OXCT1: variants seen among roughly 807,000 people sequenced by gnomAD.
The protein encoded by OXCT1 is succinyl-CoA:3-ketoacid coenzyme A transferase 1, mitochondrial.
A neutral mutation model predicts 69.6 loss-of-function variants in OXCT1; 27 were observed. The observed-to-expected ratio is 0.39, with a 90% CI of 0.29 to 0.54. The LOEUF (loss-of-function observed/expected upper bound fraction) is 0.54, where lower values mean the gene tolerates loss of function less well. Ranked by LOEUF, OXCT1 falls within the 20% of genes least tolerant of loss-of-function variation. The pLI is 0.72. For missense variants in OXCT1, 437 were observed against 650.2 expected (o/e 0.67, Z 3.57); for synonymous variants, 202 against 217.8 (o/e 0.93, Z 0.64).
At chr5:41,742,767 T>C (rs892135570) in intron 15 of OXCT1, among the ~76,000 whole-genome samples, 1 of 152,174 alleles carries the variant, frequency 6.6e-6, no homozygotes, top group African/African-American at 2.4e-5. Flanking sequence ...ATCAGAATGA[T>C]GGTGTCCAGC....
chr5:41,803,534 C>T (rs974062462), intron 9 of OXCT1, among the ~76,000 whole-genome samples: 17 of 152,036 alleles, frequency 1.1e-4, no homozygotes, highest in Admixed American at 1.0e-3. Flanking sequence ...CTATTCAAAA[C>T]TCCTGCCAAA....
At position 41,767,867 on chromosome 5, in the gene OXCT1, A is replaced by G. The variant is rs914748860; in HGVS notation, c.1249-5667T>C. ...GGCTTCTATGGTCCTGGTTCCTCCT[A>G]CTGCTATTGAGGCTTTCAGTTTTCT... On this transcript the variant is annotated intron_variant, in intron 13 of 16. Transcript: ENST00000196371. Among the ~76,000 whole-genome samples the G allele has an allele frequency of 3.3e-5, 5 of 151,132 alleles. No individual in the cohort carries two copies. The East Asian group carries it at 7.8e-4, about 24-fold the overall frequency.
chr5:41,827,091 C>T (rs1202326210), intron 7 of OXCT1, among the ~76,000 whole-genome samples: 1 of 152,172 alleles, frequency 6.6e-6, no homozygotes, highest in Non-Finnish European at 1.5e-5. Context: ...TCACCCAGAT[C>T]ACATCAGTCT....
chr5:41,777,176 G>C (rs148992672), intron 13 of OXCT1, among the ~76,000 whole-genome samples: 2,485 of 152,260 alleles, frequency 0.016, 100 homozygotes, highest in South Asian at 0.079. Flanking sequence ...CCAGCACTTT[G>C]GGAGGGTGAG....
chr5:41,741,590 T>C (rs1157015877), intron 15 of OXCT1, among the ~76,000 whole-genome samples: 2 of 152,188 alleles, frequency 1.3e-5, no homozygotes, highest in Non-Finnish European at 2.9e-5. Flanking sequence ...ATCTCACTTA[T>C]ATGTGATGCC....
intron 10 of OXCT1, among the ~76,000 whole-genome samples, chr5:41,802,049 G>A (rs1746448542): frequency 6.6e-6 from 1 of 151,976 alleles, no homozygotes; most frequent in African/African-American, 2.4e-5. Context: ...ACTGGCCATG[G>A]ATAATCCACA....
At chr5:41,788,525 A>G (rs941235497) in intron 13 of OXCT1, among the ~76,000 whole-genome samples, 4 of 152,204 alleles carry the variant, frequency 2.6e-5, no homozygotes, top group Non-Finnish European at 4.4e-5. Flanking sequence ...AAGAGTGACT[A>G]TATCAGCATC....
intron 13 of OXCT1, among the ~76,000 whole-genome samples, chr5:41,768,943 C>G (rs1379421325): frequency 6.6e-6 from 1 of 152,114 alleles, no homozygotes; most frequent in African/African-American, 2.4e-5. Context: ...TTCCCATTTC[C>G]ATGCCAGGAA....
intron 14 of OXCT1, among the ~76,000 whole-genome samples, chr5:41,756,176 A>T (rs1744061377): frequency 6.6e-6 from 1 of 152,108 alleles, no homozygotes; most frequent in Non-Finnish European, 1.5e-5. Flanking sequence ...AACCTGTTTT[A>T]GTAATAGAGT....
chr5:41,817,296 T>C (rs899310114), intron 7 of OXCT1, among the ~76,000 whole-genome samples: 1 of 152,216 alleles, frequency 6.6e-6, no homozygotes, highest in African/African-American at 2.4e-5. Flanking sequence ...CATCGATTTG[T>C]GGTTTCAGCC....
intron 13 of OXCT1, among the ~76,000 whole-genome samples, chr5:41,790,562 T>C (rs1745868162): frequency 6.6e-6 from 1 of 152,190 alleles, no homozygotes; most frequent in African/African-American, 2.4e-5. Context: ...TTAATGTTTA[T>C]TGTAATCTGA....
intron 15 of OXCT1, among the ~76,000 whole-genome samples, chr5:41,746,549 T>C (rs1494392): frequency 0.041 from 6,238 of 152,144 alleles, 284 homozygotes; most frequent in African/African-American, 0.093. Flanking sequence ...CCTTCCTTTC[T>C]TTAACGTACC....
Position 41,853,523 on chromosome 5 carries a change from G to A in OXCT1, c.310C>T (p.Arg104Trp), listed in dbSNP as rs1001833686. Residue 104 changes from arginine to tryptophan, a missense_variant, in exon 4 of 17, where the codon CGG (arginine) becomes TGG (tryptophan). Around this residue, in one of 4 missense-constraint regions of OXCT1, gnomAD observed 252 missense variants for 397.4 expected, o/e 0.63. Transcript: ENST00000196371. ...VDNFGLGLLLRSKQIKRMVSS... is the reference protein window; with the variant it reads ...VDNFGLGLLLWSKQIKRMVSS... Reference sequence around the variant, plus strand: ...ACCATGCGTTTTATCTGCTTGGACCGAAGCAAAAGCCCCAAACCAAAATTG... The same window carrying A: ...ACCATGCGTTTTATCTGCTTGGACCAAAGCAAAAGCCCCAAACCAAAATTG... 15 of 1,613,622 alleles carry A rather than the reference G, an allele frequency of 9.3e-6. No individual in the cohort carries two copies. The highest frequency in any genetic ancestry group is 5.3e-5 in the African/African-American group (4 of 74,846).
At chr5:41,863,972 A>G (rs1227788203) in intron 1 of OXCT1, among the ~76,000 whole-genome samples, 1 of 152,120 alleles carries the variant, frequency 6.6e-6, no homozygotes, top group Non-Finnish European at 1.5e-5. Context: ...TCATCCTCCT[A>G]TGGGGCTTAA....
chr5:41,810,041 C>A (rs895070763), intron 7 of OXCT1, among the ~76,000 whole-genome samples: 1 of 151,320 alleles, frequency 6.6e-6, no homozygotes, highest in Non-Finnish European at 1.5e-5. Context: ...GAAGTACAAA[C>A]CAAAAGAAGA....
At chr5:41,808,432 T>C (rs1328489847) in intron 7 of OXCT1, among the ~76,000 whole-genome samples, 1 of 152,116 alleles carries the variant, frequency 6.6e-6, no homozygotes, top group Non-Finnish European at 1.5e-5. Context: ...TATGCTGTTC[T>C]ACTACTATAT....
intron 16 of OXCT1, among the ~76,000 whole-genome samples, chr5:41,735,010 G>A (rs1368639263): frequency 1.3e-5 from 2 of 151,794 alleles, no homozygotes; most frequent in Admixed American, 6.6e-5. Context: ...TGTAAAACGG[G>A]GCAAACATTG....
intron 13 of OXCT1, among the ~76,000 whole-genome samples, chr5:41,775,532 C>T (rs1281031637): frequency 6.6e-6 from 1 of 152,144 alleles, no homozygotes; most frequent in African/African-American, 2.4e-5. Context: ...AACCCAGAAG[C>T]ACTTAGAATC....
chr5:41,869,984 A>AT, intron 1 of OXCT1: 16 of 444,142 alleles, frequency 3.6e-5, no homozygotes, highest in South Asian at 1.3e-4. Flanking sequence ...ACGAGCGCCA[A>AT]AGGGCTCGGG....
Sources: allele counts gnomAD v4.1 joint callset (sites outside exome capture counted in the v4.1 genomes callset), GRCh38; gene constraint gnomAD v4.1.1; regional missense constraint gnomAD v4.1.1; transcripts MANE v1.5; gene names NCBI Gene and HGNC (gene_info 2026-07-23, HGNC 2026-07-21).